The following ACAA2 variants were observed in gnomAD, a reference collection of about 807,000 sequenced individuals.
ACAA2 encodes the protein 3-ketoacyl-CoA thiolase, mitochondrial.
A neutral mutation model predicts 44.8 loss-of-function variants in ACAA2; 35 were observed. The ratio of observed to expected loss-of-function variants is 0.78; its 90% CI spans 0.60 to 1.04. The LOEUF is 1.04. ACAA2 is among the 50% of genes least tolerant of loss of function. ACAA2 has a pLI of 0.00. For missense variants in ACAA2, 468 were observed against 482.6 expected (o/e 0.97, Z 0.28); for synonymous variants, 142 against 166.5 (o/e 0.85, Z 1.13).
chr18:49,787,249 A>C, intron 8 of ACAA2, 42 bp downstream of exon 8: 1 of 1,292,752 alleles, frequency 7.7e-7, no homozygotes, highest in South Asian at 1.7e-5. Flanking sequence ...TACATGGTTT[A>C]TTCATGTTGT....
Position 49,783,672 on chromosome 18 carries a change from C to T in ACAA2, c.*175G>A. On this transcript the variant is annotated 3_prime_UTR_variant, in exon 10 of 10. Coordinates refer to ENST00000285093, the MANE Select transcript of ACAA2 (RefSeq NM_006111.3). ...CAAATCTGAGAGAATGTACTTCTAGCATGGGCTCCTATTCATGATCAATGC... is the reference window on the plus strand; with the variant it reads ...CAAATCTGAGAGAATGTACTTCTAGTATGGGCTCCTATTCATGATCAATGC... 1 of 563,458 alleles carries T rather than the reference C, an allele frequency of 1.8e-6. No homozygotes were observed. The highest frequency in any genetic ancestry group is 3.3e-6 in the Non-Finnish European group (1 of 306,204). The allele number at this position is 563,458 out of a possible 1,614,324, so 34.9% of individuals were successfully genotyped here. A position where few individuals can be genotyped will look rare whatever the true frequency, so the allele number is the denominator to read the frequency against.
Position 49,795,762 on chromosome 18 carries a change from A to G in ACAA2, c.429+3T>C. The stretch of plus-strand genomic sequence containing the variant: ...AATTCTTTTAAATTTTTATGGTTCC[A>G]ACCTTGATATCTGATCCAAGCTTGG... On this transcript the variant is annotated splice_donor_region_variant and intron_variant, in intron 4 of 9. Transcript: ENST00000285093. 2 of 1,576,386 alleles carry G rather than the reference A, an allele frequency of 1.3e-6. No individual in the cohort carries two copies. Among genetic ancestry groups the G allele is most frequent in the Non-Finnish European group, 1.7e-6 (2 of 1,156,068 alleles).
chr18:49,784,678 TCCTC>T (rs1268795598), intron 9 of ACAA2, among the ~76,000 whole-genome samples: 1 of 152,028 alleles, frequency 6.6e-6, no homozygotes, highest in Non-Finnish European at 1.5e-5. Flanking sequence ...ATAGAAGAGC[TCCTC>T]CTTCTGGTAC....
intron 4 of ACAA2, among the ~76,000 whole-genome samples, chr18:49,795,308 T>C (rs2023452422): frequency 6.6e-6 from 1 of 152,220 alleles, no homozygotes; most frequent in African/African-American, 2.4e-5. Context: ...TGGGACAATA[T>C]AATCTGTATT....
At chr18:49,800,767 C>G (rs540193064) in intron 2 of ACAA2, among the ~76,000 whole-genome samples, 3 of 152,098 alleles carry the variant, frequency 2.0e-5, no homozygotes, top group African/African-American at 7.2e-5. Flanking sequence ...CTGCAGAAGG[C>G]CGCAGGGTCC....
At chr18:49,801,972 C>G (rs1328567767) in intron 2 of ACAA2, among the ~76,000 whole-genome samples, 1 of 151,922 alleles carries the variant, frequency 6.6e-6, no homozygotes, top group Non-Finnish European at 1.5e-5. Flanking sequence ...TTTTGTACAT[C>G]ACACATAGCA....
intron 1 of ACAA2, among the ~76,000 whole-genome samples, chr18:49,804,475 C>T (rs551442682): frequency 2.5e-3 from 378 of 152,260 alleles, no homozygotes; most frequent in Non-Finnish European, 3.6e-3. Context: ...TATCTGAAGT[C>T]AGCTAACCTG....
intron 1 of ACAA2, among the ~76,000 whole-genome samples, chr18:49,804,300 C>T (rs1360130610): frequency 6.6e-6 from 1 of 152,178 alleles, no homozygotes; most frequent in African/African-American, 2.4e-5. Flanking sequence ...AGCACCAACA[C>T]AGATAGAGAT....
At chr18:49,794,218 G>A (rs1473076273) in intron 5 of ACAA2, 62 bp downstream of exon 5, 1 of 1,220,344 alleles carries the variant, frequency 8.2e-7, no homozygotes, top group African/African-American at 1.6e-5. Context: ...TAATAGAAAT[G>A]ATGAAAATAT....
intron 9 of ACAA2, 132 bp downstream of exon 9, chr18:49,785,065 T>G: frequency 9.0e-7 from 1 of 1,108,716 alleles, no homozygotes. Flanking sequence ...CCCAAGTAAC[T>G]TGTTCCTGGT....
At chr18:49,802,621 A>T in intron 2 of ACAA2, 66 bp downstream of exon 2, 1 of 1,443,038 alleles carries the variant, frequency 6.9e-7, no homozygotes, top group Non-Finnish European at 9.4e-7. Flanking sequence ...GATATGTTAA[A>T]GGAATTATTT....
intron 2 of ACAA2, among the ~76,000 whole-genome samples, chr18:49,801,810 A>ATATATATATC (rs1163274955): frequency 2.4e-4 from 35 of 144,984 alleles, no homozygotes; most frequent in African/African-American, 8.9e-4. Flanking sequence ...ATATATATAT[A>ATATATATATC]TATATCTTAT....
At chr18:49,792,936 CTTTTAAAAATTATAT>C (rs1433023739) in intron 5 of ACAA2, among the ~76,000 whole-genome samples, 8 of 152,108 alleles carry the variant, frequency 5.3e-5, no homozygotes, top group South Asian at 4.1e-4. Flanking sequence ...CATTTTGCAT[CTTTTAAAAATTATAT>C]TTTTAAAAAT....
intron 1 of ACAA2, among the ~76,000 whole-genome samples, chr18:49,806,164 G>A (rs1026773282): frequency 6.6e-6 from 1 of 152,150 alleles, no homozygotes; most frequent in Admixed American, 6.6e-5. Context: ...CTAACTTGAA[G>A]ACTAACAGTC....
intron 9 of ACAA2, 42 bp from the exon 10 acceptor site, chr18:49,783,973 A>C (rs2023296624): frequency 6.6e-7 from 1 of 1,512,462 alleles, no homozygotes; most frequent in Admixed American, 1.7e-5. Flanking sequence ...CTAATAAAAA[A>C]TCAGATTAAT....
intron 6 of ACAA2, among the ~76,000 whole-genome samples, chr18:49,791,836 G>C (rs2023403826): frequency 6.6e-6 from 1 of 151,914 alleles, no homozygotes; most frequent in South Asian, 2.1e-4. Flanking sequence ...ATCTAGATGT[G>C]AGTAGATGTA....
At chr18:49,794,185 G>T in intron 5 of ACAA2, 95 bp downstream of exon 5, 3 of 836,804 alleles carry the variant, frequency 3.6e-6, no homozygotes, top group East Asian at 7.0e-5. Flanking sequence ...TTAAAGGTAT[G>T]ATTTGTAAAT....
chr18:49,808,303 A>G (rs923367333), intron 1 of ACAA2, among the ~76,000 whole-genome samples: 4 of 152,244 alleles, frequency 2.6e-5, no homozygotes, highest in African/African-American at 9.6e-5. Flanking sequence ...AGTTTCTTAT[A>G]AAACTAAACA....
intron 5 of ACAA2, among the ~76,000 whole-genome samples, chr18:49,793,402 A>G (rs1475658208): frequency 2.0e-5 from 3 of 152,198 alleles, no homozygotes; most frequent in East Asian, 3.8e-4. Flanking sequence ...TGTTATCTCT[A>G]TCTTACAGAG....
Sources: allele counts gnomAD v4.1 joint callset (sites outside exome capture counted in the v4.1 genomes callset), GRCh38; gene constraint gnomAD v4.1.1; transcripts MANE v1.5; gene names NCBI Gene and HGNC (gene_info 2026-07-23, HGNC 2026-07-21).